The following NACC2 variants were observed in gnomAD, a reference collection of about 807,000 sequenced individuals.
NACC2 encodes the protein nucleus accumbens-associated protein 2.
In NACC2, 8 loss-of-function variants were observed where a neutral mutation model predicts 25.1. The ratio of observed to expected loss-of-function variants is 0.32; its 90% CI spans 0.19 to 0.57. The LOEUF (loss-of-function observed/expected upper bound fraction) is 0.57. NACC2 is among the 20% of genes least tolerant of loss of function. The pLI is 0.89. For missense variants in NACC2, 644 were observed against 650.2 expected, an observed-to-expected ratio of 0.99 and a Z score of 0.10; for synonymous variants, 435 against 294.7, an observed-to-expected ratio of 1.48 and a Z score of -4.88.
chr9:136,089,761 T>C (rs1793186830), intron 1 of NACC2, among the ~76,000 whole-genome samples: 2 of 150,546 alleles, frequency 1.3e-5, no homozygotes, highest in South Asian at 4.1e-4. Flanking sequence ...AACCTCTATT[T>C]TCTTAAAAGC....
chr9:136,040,967 G>A (rs1434210422), intron 2 of NACC2, among the ~76,000 whole-genome samples: 2 of 121,408 alleles, frequency 1.6e-5, no homozygotes, highest in Non-Finnish European at 1.7e-5. Flanking sequence ...ACCCTGGAAA[G>A]AAAGAAAGAA....
At chr9:136,052,475 G>C (rs1380329110) in intron 1 of NACC2, among the ~76,000 whole-genome samples, 1 of 151,394 alleles carries the variant, frequency 6.6e-6, no homozygotes, top group African/African-American at 2.4e-5. Context: ...AGCTAGGGGA[G>C]CCAGGGAAGG....
At chr9:136,021,970 G>T (rs1299098140) in intron 2 of NACC2, among the ~76,000 whole-genome samples, 1 of 152,218 alleles carries the variant, frequency 6.6e-6, no homozygotes, top group Admixed American at 6.5e-5. Context: ...CAGCATGGAG[G>T]GGTTTGGCGA....
At chr9:136,016,200 A>C in intron 3 of NACC2, 65 bp downstream of exon 3, 1 of 1,478,710 alleles carries the variant, frequency 6.8e-7, no homozygotes, top group African/African-American at 1.4e-5. Context: ...AGAGCTCTCC[A>C]ATAAATAAAT....
chr9:136,023,954 AC>A lies in NACC2; in HGVS notation c.887-7526del, dbSNP rs200945106. Among the ~76,000 whole-genome samples the A allele has an allele frequency of 5.3e-5, 8 of 150,720 alleles. No individual in the cohort carries two copies. The South Asian group carries it at 6.3e-4, about 12-fold the overall frequency. On this transcript the variant is annotated intron_variant, in intron 2 of 5. Transcript: ENST00000277554. ...ATGCCCCCAACCACACAAATGCACA[AC>A]CCCCCCCACACACACGTGCACATGC...
rs569209163 is a variant in NACC2, at chr9:136,013,056, C to T, written c.1255+143G>A. 5.0e-5 allele frequency: 31 copies of T among 624,290 alleles called. No individual in the cohort carries two copies. In the South Asian group the frequency reaches 6.8e-4, roughly 14 times the overall value. The allele number at this position is 624,290 out of a possible 1,614,324, so 38.7% of individuals were successfully genotyped here. On this transcript the variant is annotated intron_variant, in intron 5 of 5. Coordinates refer to ENST00000277554, the MANE Select transcript of NACC2 (RefSeq NM_144653.5). This position sits in a 1 kb window ranked among gnomAD's most constrained non-coding sequence, Gnocchi z 6.6. ...AGAGCTGCTCTTTTCTCCTCATCTT[C>T]CCCTCAATCAGACCATGCTCGGCCC...
chr9:136,054,244 GC>G (rs1840890274), intron 1 of NACC2, among the ~76,000 whole-genome samples: 1 of 152,218 alleles, frequency 6.6e-6, no homozygotes, highest in Non-Finnish European at 1.5e-5. Flanking sequence ...AGGAGCTGGA[GC>G]CCCAGGGCTG....
In NACC2 at chr9:136,050,521, T is replaced by TGGCG. The variant is rs1366717634; in HGVS notation, c.-4_-1dup. Reference sequence around the variant, plus strand: ...ATCTCGATGTGCAGCATCTGAGACATGGCGGGCGGGCAGCGGCGGGGCTGG... The same window carrying TGGCG: ...ATCTCGATGTGCAGCATCTGAGACATGGCGGGCGGGCGGGCAGCGGCGGGGCTGG... On this transcript the variant is annotated 5_prime_UTR_variant, in exon 2 of 6. Coordinates refer to ENST00000277554, the MANE Select transcript of NACC2 (RefSeq NM_144653.5). 23 of 761,436 alleles carry TGGCG rather than the reference T, an allele frequency of 3.0e-5. No homozygotes were observed. Among genetic ancestry groups the TGGCG allele is most frequent in the African/African-American group, 2.0e-4 (12 of 58,938 alleles). 47.2% of individuals were successfully genotyped at this position (761,436 alleles called of 1,614,324 possible). A position where few individuals can be genotyped will look rare whatever the true frequency, so the allele number is the denominator to read the frequency against.
intron 2 of NACC2, among the ~76,000 whole-genome samples, chr9:136,043,369 C>G (rs968866259): frequency 6.6e-6 from 1 of 152,228 alleles, no homozygotes. Flanking sequence ...GCGTTACTGA[C>G]CATCAGGGAA....
Position 136,011,263 on chromosome 9 carries a change from G to A in NACC2, c.*253C>T, listed in dbSNP as rs569759545. ...AGGGGGAGGGAAGCTACACTTGGAG[G>A]CTGACCTTGTGAATATCAAAAGGGA... On this transcript the variant is annotated 3_prime_UTR_variant, in exon 6 of 6. Transcript: ENST00000277554. 8.7e-4 allele frequency: 280 copies of A among 321,210 alleles called. 1 individual carries two copies. Among genetic ancestry groups the A allele is most frequent in the African/African-American group, 5.7e-3 (266 of 46,316 alleles). 19.9% of individuals were successfully genotyped at this position (321,210 alleles called of 1,614,324 possible). A position where few individuals can be genotyped will look rare whatever the true frequency, so the allele number is the denominator to read the frequency against.
chr9:136,020,087 A>G lies in NACC2; in HGVS notation c.887-3658T>C, dbSNP rs1380240348. 1.3e-5 allele frequency among the ~76,000 whole-genome samples: 2 copies of G among 152,174 alleles called. No individual in the cohort carries two copies. The highest frequency in any genetic ancestry group is 4.8e-5 in the African/African-American group (2 of 41,432). On this transcript the variant is annotated intron_variant, in intron 2 of 5. Transcript: ENST00000277554. This position sits in a 1 kb window ranked among gnomAD's most constrained non-coding sequence, Gnocchi z 4.7. Reference sequence around the variant, plus strand: ...TGGAGCCGATGGCAGTGATGCTCACAAAACAGTGGGAATGCGCTTAGCATC... The same window carrying G: ...TGGAGCCGATGGCAGTGATGCTCACGAAACAGTGGGAATGCGCTTAGCATC...
chr9:136,068,505 A>G (rs1841114169), intron 1 of NACC2, among the ~76,000 whole-genome samples: 2 of 151,254 alleles, frequency 1.3e-5, no homozygotes, highest in South Asian at 4.2e-4. Context: ...GTCTCAAAAA[A>G]AAAAAAAAAA....
rs569354698 is a variant in NACC2, at chr9:136,042,500, C to T, written c.886+7136G>A. 6.0e-3 allele frequency among the ~76,000 whole-genome samples: 919 copies of T among 152,290 alleles called. 14 individuals carry two copies. The highest frequency in any genetic ancestry group is 0.021 in the African/African-American group (882 of 41,556). On this transcript the variant is annotated intron_variant, in intron 2 of 5. Transcript: ENST00000277554. ...GGAATTCAGTGGAGACCTGGTGCTG[C>T]AATGACTGGACGTCCACAGGGGAAG...
chr9:136,049,323 C>T (rs1210626599), intron 2 of NACC2, among the ~76,000 whole-genome samples: 3 of 152,204 alleles, frequency 2.0e-5, no homozygotes, highest in Non-Finnish European at 4.4e-5. Context: ...CGCGTGGCGC[C>T]AGGCCCTTCA....
rs1412567805 is a variant in NACC2 at position 136,022,723 on chromosome 9, C to T, written c.887-6294G>A. Among the ~76,000 whole-genome samples, 3 of 152,118 alleles carry T rather than the reference C, an allele frequency of 2.0e-5. No homozygotes were observed. The highest frequency in any genetic ancestry group is 7.2e-5 in the African/African-American group (3 of 41,414). On this transcript the variant is annotated intron_variant, in intron 2 of 5. Transcript: ENST00000277554. This position sits in a 1 kb window ranked among gnomAD's most constrained non-coding sequence, Gnocchi z 4.4. Reference sequence around the variant, plus strand: ...CATCAACTACCAGTGCTGGCTGGGGCAGTGCCTCTGTCATCCTCCAGAAAG... The same window carrying T: ...CATCAACTACCAGTGCTGGCTGGGGTAGTGCCTCTGTCATCCTCCAGAAAG...
At chr9:136,016,472 G>T (rs761991164) in intron 2 of NACC2, 43 bp from the exon 3 acceptor site, 2 of 1,607,800 alleles carry the variant, frequency 1.2e-6, no homozygotes, top group African/African-American at 1.3e-5. Flanking sequence ...CATCTGGGGG[G>T]CCGGGCTGCT....
At chr9:136,051,198 G>A (rs1027751209) in intron 1 of NACC2, among the ~76,000 whole-genome samples, 2 of 152,200 alleles carry the variant, frequency 1.3e-5, no homozygotes, top group African/African-American at 4.8e-5. Flanking sequence ...GTGCCGGGAA[G>A]TCCGCTGAAG....
At chr9:136,080,163 C>T (rs1830306254) in intron 1 of NACC2, among the ~76,000 whole-genome samples, 2 of 152,202 alleles carry the variant, frequency 1.3e-5, no homozygotes, top group Admixed American at 1.3e-4. Context: ...ACCACAAGGG[C>T]CTCCTGGCAG....
chr9:136,045,165 A>T (rs1840701274), intron 2 of NACC2, among the ~76,000 whole-genome samples: 1 of 152,172 alleles, frequency 6.6e-6, no homozygotes, highest in Non-Finnish European at 1.5e-5. Flanking sequence ...GGAAGTGGGT[A>T]CCCAGCTTAG....
Sources: gnomAD v4.1 joint callset for allele counts (sites outside exome capture counted in the v4.1 genomes callset) on GRCh38, gnomAD v4.1.1 for gene constraint, Gnocchi (gnomAD v3.1) non-coding constraint, MANE v1.5 for transcripts, NCBI Gene and HGNC (gene_info 2026-07-23, HGNC 2026-07-21) for gene names.